ZSWIM9: variants seen among roughly 807,000 people sequenced by gnomAD.
ZSWIM9 encodes the protein uncharacterized protein ZSWIM9.
ZSWIM9 carries 11 observed loss-of-function variants against 25.0 expected under a neutral mutation model. The ratio of observed to expected loss-of-function variants is 0.44; its 90% CI spans 0.28 to 0.73. The LOEUF (loss-of-function observed/expected upper bound fraction) is 0.73, where lower values mean the gene tolerates loss of function less well. ZSWIM9 is among the 30% of genes least tolerant of loss of function. The pLI is 0.16. For missense variants in ZSWIM9, 1,070 were observed against 1,296.5 expected, an observed-to-expected ratio of 0.83 and a Z score of 2.68; for synonymous variants, 562 against 582.1, an observed-to-expected ratio of 0.97 and a Z score of 0.50.
chr19:48,171,372 A>T (rs2036803842), intron 1 of ZSWIM9: 2 of 985,264 alleles, frequency 2.0e-6, no homozygotes, highest in South Asian at 9.4e-5. Flanking sequence ...CCAGATGAAT[A>T]CGAGAGTTAG....
chr19:48,185,422 A>T (rs2036999587), intron 3 of ZSWIM9, among the ~76,000 whole-genome samples: 1 of 152,178 alleles, frequency 6.6e-6, no homozygotes, highest in South Asian at 2.1e-4. Context: ...GGCATGAGCC[A>T]CCGTGCCCAG....
At position 48,171,908 on chromosome 19, in the gene ZSWIM9, G is replaced by A; in HGVS notation, c.106G>A (p.Ala36Thr). ...SWAEFSRFFD[A>T]WCQQRLALFF... ...GGCCGAGTTCAGCCGCTTCTTCGAC[G>A]CGTGGTGCCAGCAGCGGCTGGCGCT... Residue 36 changes from alanine to threonine, a missense_variant, in exon 2 of 4, where the codon GCG becomes ACG. Physicochemically the swap from Ala to Thr is moderately conservative, Grantham distance 58. Around this residue, in one of 4 missense-constraint regions of ZSWIM9, gnomAD observed 265 missense variants for 339.0 expected, o/e 0.78. Transcript: ENST00000614654. The A allele has an allele frequency of 6.5e-7, 1 of 1,535,836 alleles. No homozygotes were observed. The highest frequency in any genetic ancestry group is 8.7e-7 in the Non-Finnish European group (1 of 1,146,700).
chr19:48,179,167 A>C (rs1417546069), intron 2 of ZSWIM9, among the ~76,000 whole-genome samples: 1 of 150,854 alleles, frequency 6.6e-6, no homozygotes, highest in East Asian at 1.9e-4. Context: ...CCTTTCTTTT[A>C]TTTTCTTTTT....
intron 3 of ZSWIM9, among the ~76,000 whole-genome samples, chr19:48,187,316 A>ATATATATATAT (rs2037024059): frequency 7.1e-6 from 1 of 140,610 alleles, no homozygotes; most frequent in Non-Finnish European, 1.5e-5. Context: ...TTTCACTTAT[A>ATATATATATAT]AAATCTAATG....
At chr19:48,179,140 AT>A (rs1000025107) in intron 2 of ZSWIM9, among the ~76,000 whole-genome samples, 1 of 151,308 alleles carries the variant, frequency 6.6e-6, no homozygotes, top group South Asian at 2.1e-4. Context: ...ATACACTCTG[AT>A]TTTTTTTTCC....
At position 48,197,215 on chromosome 19, in the gene ZSWIM9, T is replaced by C. The variant is rs1253372762; in HGVS notation, c.*388T>C. ...AGAGTAGACTGGCCAGTCTAGGGAG[T>C]GCAGCGGGGAGAGGGGAAAGGGAGA... On this transcript the variant is annotated 3_prime_UTR_variant, in exon 4 of 4. Coordinates refer to ENST00000614654, the MANE Select transcript of ZSWIM9 (RefSeq NM_199341.4). 1.5e-6 allele frequency: 1 copy of C among 683,680 alleles called. No individual in the cohort carries two copies. The highest frequency in any genetic ancestry group is 2.7e-5 in the East Asian group (1 of 36,732). 42.4% of individuals were successfully genotyped at this position (683,680 alleles called of 1,614,324 possible).
chr19:48,194,793 G>T lies in ZSWIM9; in HGVS notation c.729G>T (p.Leu243=). The change falls in exon 4 of 4, where the codon CTG becomes CTT. Residue 243 remains leucine (L), a synonymous_variant. Transcript: ENST00000614654. This position sits in a 1 kb window ranked among gnomAD's most constrained non-coding sequence, Gnocchi z 6.0. The part of the protein sequence containing the change: ...RLPGLQGALD[L]LAVLCVDGSG... ...CGGGGCTGCAGGGCGCGCTGGATCT[G>T]CTGGCCGTGCTGTGCGTGGACGGCT... 6.5e-7 allele frequency: 1 copy of T among 1,530,520 alleles called. No homozygotes were observed. Among genetic ancestry groups the T allele is most frequent in the Non-Finnish European group, 8.7e-7 (1 of 1,144,414 alleles). The allele number at this position is 1,530,520 out of a possible 1,614,324, so 94.8% of individuals were successfully genotyped here.
chr19:48,171,837 CG>C lies in ZSWIM9; in HGVS notation c.39del (p.Gln14ArgfsTer93). 6.5e-7 allele frequency: 1 copy of C among 1,534,170 alleles called. No homozygotes were observed. The highest frequency in any genetic ancestry group is 8.7e-7 in the Non-Finnish European group (1 of 1,146,162). On this transcript the variant is annotated frameshift_variant, in exon 2 of 4. Coordinates refer to ENST00000614654, the MANE Select transcript of ZSWIM9 (RefSeq NM_199341.4). LOFTEE classifies it high-confidence loss of function. ...CCGGAGCCCCCACCCGGCACGGCTG[CG>C]GGGCAGGAGGAGCAGGAGCTGCGGG... ...ERPEPPPGTA[A>X]GQEEQELRER...
chr19:48,185,420 C>T (rs374212687), intron 3 of ZSWIM9, among the ~76,000 whole-genome samples: 5 of 152,294 alleles, frequency 3.3e-5, no homozygotes, highest in Admixed American at 2.6e-4. Context: ...CAGGCATGAG[C>T]CACCGTGCCC....
intron 2 of ZSWIM9, among the ~76,000 whole-genome samples, chr19:48,179,618 G>A (rs946364406): frequency 6.6e-6 from 1 of 152,196 alleles, no homozygotes; most frequent in South Asian, 2.1e-4. Flanking sequence ...TGTATCACAC[G>A]TTGGGGTGAT....
At chr19:48,177,726 A>G (rs2036907514) in intron 2 of ZSWIM9, among the ~76,000 whole-genome samples, 1 of 152,242 alleles carries the variant, frequency 6.6e-6, no homozygotes, top group African/African-American at 2.4e-5. Flanking sequence ...ACAAAAGCCC[A>G]CGAATTATTC....
In ZSWIM9 at chr19:48,171,877, C is replaced by T. The variant is rs1309488311; in HGVS notation, c.75C>T (p.Phe25=). The change falls in exon 2 of 4, where the codon TTC becomes TTT. Residue 25 remains phenylalanine (F), a synonymous_variant. Transcript: ENST00000614654. ...AGGAGCTGCGGGAGCGGGCCTTCTT[C>T]TCGTGGGCCGAGTTCAGCCGCTTCT... is the stretch of plus-strand genomic sequence containing the variant. ...EEQELRERAF[F]SWAEFSRFFD... 10 of 1,535,682 alleles carry T rather than the reference C, an allele frequency of 6.5e-6. No homozygotes were observed. The highest frequency in any genetic ancestry group is 8.7e-6 in the Non-Finnish European group (10 of 1,146,694).
intron 2 of ZSWIM9, among the ~76,000 whole-genome samples, chr19:48,178,958 T>C (rs2123206561): frequency 6.6e-6 from 1 of 152,300 alleles, no homozygotes; most frequent in East Asian, 1.9e-4. Context: ...GTTTGCAATA[T>C]AGCAACAGAA....
intron 3 of ZSWIM9, among the ~76,000 whole-genome samples, chr19:48,183,349 G>T (rs998619954): frequency 6.6e-6 from 1 of 151,926 alleles, no homozygotes; most frequent in African/African-American, 2.4e-5. Flanking sequence ...GGATGGTCTC[G>T]ATCTCCTGAC....
In ZSWIM9 at chr19:48,182,104, C is replaced by T; in HGVS notation, c.276-351C>T. ...AGGTAAATACAATAAAACATTCACT[C>T]ACTTTTGACAGAACTAAGGGTGGTA... On this transcript the variant is annotated intron_variant, in intron 2 of 3. Coordinates refer to ENST00000614654, the MANE Select transcript of ZSWIM9 (RefSeq NM_199341.4). The surrounding 1 kb of genome is among the most constrained non-coding windows in gnomAD (Gnocchi z 4.6). 1 of 251,640 alleles carries T rather than the reference C, an allele frequency of 4.0e-6. No homozygotes were observed. Among genetic ancestry groups the T allele is most frequent in the South Asian group, 1.3e-4 (1 of 7,460 alleles). 15.6% of individuals were successfully genotyped at this position (251,640 alleles called of 1,614,324 possible). A position where few individuals can be genotyped will look rare whatever the true frequency, so the allele number is the denominator to read the frequency against.
chr19:48,173,288 A>G (rs770119173), intron 2 of ZSWIM9, among the ~76,000 whole-genome samples: 5 of 152,140 alleles, frequency 3.3e-5, no homozygotes, highest in East Asian at 1.9e-4. Flanking sequence ...ATGGACCCCA[A>G]TTGTATTTTA....
chr19:48,173,088 G>A (rs1003641379), intron 2 of ZSWIM9, among the ~76,000 whole-genome samples: 5 of 152,184 alleles, frequency 3.3e-5, no homozygotes, highest in Non-Finnish European at 7.3e-5. Context: ...GTGGGCTGGG[G>A]ATATTCTAGT....
intron 3 of ZSWIM9, chr19:48,187,736 A>C (rs1051848083): frequency 7.6e-5 from 11 of 143,828 alleles, no homozygotes; most frequent in African/African-American, 2.9e-4. Context: ...CCAGGAGTTC[A>C]AGACCAGCCT....
chr19:48,196,300 G>A lies in ZSWIM9; in HGVS notation c.2236G>A (p.Gly746Arg). ...GTCCGTGGGCCCCAAGAGCCGAGCC[G>A]GACGAGGGATGGAGTGGGGAGACGC... is the stretch of plus-strand genomic sequence containing the variant. Reference protein sequence around the residue: ...ARSVGPKSRAGRGMEWGDAGG... With the variant: ...ARSVGPKSRARRGMEWGDAGG... Residue 746 changes from glycine (G) to arginine (R), a missense_variant, in exon 4 of 4, where the codon GGA (glycine) becomes AGA (arginine). Transcript: ENST00000614654. 8.1e-7 allele frequency: 1 copy of A among 1,233,914 alleles called. No individual in the cohort carries two copies. Among genetic ancestry groups the A allele is most frequent in the African/African-American group, 1.5e-5 (1 of 64,538 alleles). The allele number at this position is 1,233,914 out of a possible 1,614,324, so 76.4% of individuals were successfully genotyped here. A position where few individuals can be genotyped will look rare whatever the true frequency, so the allele number is the denominator to read the frequency against.
Sources: allele counts gnomAD v4.1 joint callset (sites outside exome capture counted in the v4.1 genomes callset), GRCh38; gene constraint gnomAD v4.1.1; regional missense constraint gnomAD v4.1.1; non-coding constraint Gnocchi (gnomAD v3.1); transcripts MANE v1.5; gene names NCBI Gene and HGNC (gene_info 2026-07-23, HGNC 2026-07-21).